The following DPP10 variants were observed in gnomAD, a reference collection of about 807,000 sequenced individuals.
The protein encoded by DPP10 is inactive dipeptidyl peptidase 10.
DPP10 carries 33 observed loss-of-function variants against 120.9 expected under a neutral mutation model. That is an observed-to-expected ratio of 0.27 (90% CI 0.21 to 0.37). The LOEUF is 0.37. DPP10 is among the 10% of genes least tolerant of loss of function. The pLI is 1.00. For synonymous variants in DPP10, 337 were observed against 326.1 expected (o/e 1.03, Z -0.36); for missense variants, 816 against 942.8 (o/e 0.87, Z 1.76).
intron 5 of DPP10, among the ~76,000 whole-genome samples, chr2:115,539,019 A>C (rs1971190): frequency 0.21 from 32,368 of 151,902 alleles, 4,360 homozygotes; most frequent in East Asian, 0.39. Context: ...ATAGCTACTG[A>C]AAATAAGCTT....
intron 5 of DPP10, among the ~76,000 whole-genome samples, chr2:115,564,235 T>C (rs899579368): frequency 6.7e-6 from 1 of 149,702 alleles, no homozygotes; most frequent in Non-Finnish European, 1.5e-5. Context: ...ATCATGTCTT[T>C]TTTTTTTTTT....
At chr2:115,326,022 T>C (rs1273909238) in intron 2 of DPP10, among the ~76,000 whole-genome samples, 6 of 152,168 alleles carry the variant, frequency 3.9e-5, no homozygotes, top group Non-Finnish European at 8.8e-5. Context: ...ATCTGAATAA[T>C]ATTTTAATAC....
At chr2:115,241,923 A>G (rs2058301203) in intron 1 of DPP10, among the ~76,000 whole-genome samples, 1 of 152,200 alleles carries the variant, frequency 6.6e-6, no homozygotes, top group African/African-American at 2.4e-5. Context: ...TTGAGTATGC[A>G]TTGACTGCTA....
chr2:115,180,002 TAAAG>T (rs1385168211), intron 1 of DPP10, among the ~76,000 whole-genome samples: 1 of 151,994 alleles, frequency 6.6e-6, no homozygotes, highest in Non-Finnish European at 1.5e-5. Context: ...TGAAAAATTT[TAAAG>T]AAAAATCAAT....
intron 3 of DPP10, among the ~76,000 whole-genome samples, chr2:115,422,128 T>C (rs2070029540): frequency 1.3e-5 from 2 of 152,020 alleles, no homozygotes; most frequent in South Asian, 4.1e-4. Context: ...AGAGGGAAAA[T>C]TGTTGATGCA....
intron 1 of DPP10, among the ~76,000 whole-genome samples, chr2:114,466,086 C>T (rs1292534769): frequency 6.6e-6 from 1 of 151,976 alleles, no homozygotes; most frequent in Non-Finnish European, 1.5e-5. Flanking sequence ...TGATAATTTC[C>T]CACAAATTCA....
chr2:115,539,979 A>G (rs1224649174), intron 5 of DPP10, among the ~76,000 whole-genome samples: 1 of 151,924 alleles, frequency 6.6e-6, no homozygotes, highest in Non-Finnish European at 1.5e-5. Flanking sequence ...TTAAAAAGGA[A>G]AACAGTTAAA....
At chr2:115,838,114 C>G (rs1209682642) in intron 24 of DPP10, among the ~76,000 whole-genome samples, 2 of 152,120 alleles carry the variant, frequency 1.3e-5, no homozygotes, top group Non-Finnish European at 2.9e-5. Context: ...TATCCAGGAA[C>G]TCTGTACTAT....
intron 1 of DPP10, among the ~76,000 whole-genome samples, chr2:114,517,516 C>T (rs75612318): frequency 0.17 from 20,182 of 118,542 alleles, 1,834 homozygotes; most frequent in Admixed American, 0.3. Flanking sequence ...AGTGAGACTC[C>T]GTCTCAAAAA....
intron 5 of DPP10, among the ~76,000 whole-genome samples, chr2:115,648,275 G>T (rs2087449216): frequency 2.0e-5 from 3 of 152,094 alleles, no homozygotes; most frequent in South Asian, 4.2e-4. Context: ...GTCAGGGTGG[G>T]GGCATTGGTG....
intron 16 of DPP10, among the ~76,000 whole-genome samples, chr2:115,781,441 A>G (rs10174545): frequency 0.51 from 78,064 of 151,674 alleles, 21,283 homozygotes; most frequent in African/African-American, 0.68. Flanking sequence ...TTCAGTTCTG[A>G]TCAATTACAT....
intron 11 of DPP10, among the ~76,000 whole-genome samples, chr2:115,755,128 C>G (rs1679234075): frequency 6.6e-6 from 1 of 152,012 alleles, no homozygotes; most frequent in African/African-American, 2.4e-5. Flanking sequence ...GAGGCAACTA[C>G]TATTCTGAGG....
intron 5 of DPP10, among the ~76,000 whole-genome samples, chr2:115,596,697 A>G (rs2083010117): frequency 6.6e-6 from 1 of 152,190 alleles, no homozygotes; most frequent in African/African-American, 2.4e-5. Context: ...TTTGGCCTAA[A>G]TATTGTATCA....
At chr2:115,392,365 T>A (rs535126811) in intron 3 of DPP10, among the ~76,000 whole-genome samples, 1 of 152,182 alleles carries the variant, frequency 6.6e-6, no homozygotes, top group Non-Finnish European at 1.5e-5. Context: ...CACTTTGATA[T>A]CATATTAATA....
At chr2:114,835,043 G>T (rs1318016218) in intron 1 of DPP10, 1 of 148,632 alleles carries the variant, frequency 6.7e-6, no homozygotes, top group East Asian at 2.0e-4. Flanking sequence ...GTACATATCA[G>T]CCATATCTAC....
At chr2:115,210,381 T>C (rs529852509) in intron 1 of DPP10, among the ~76,000 whole-genome samples, 3 of 152,198 alleles carry the variant, frequency 2.0e-5, no homozygotes, top group Non-Finnish European at 2.9e-5. Flanking sequence ...TAGTATTCCA[T>C]GGTGTATATG....
At chr2:115,166,057 C>CT (rs2052815151) in intron 1 of DPP10, among the ~76,000 whole-genome samples, 1 of 152,076 alleles carries the variant, frequency 6.6e-6, no homozygotes, top group Non-Finnish European at 1.5e-5. Context: ...TATCGATGTG[C>CT]TTTAGACATT....
intron 1 of DPP10, among the ~76,000 whole-genome samples, chr2:114,638,288 T>C (rs941000001): frequency 6.6e-6 from 1 of 151,846 alleles, no homozygotes; most frequent in African/African-American, 2.4e-5. Context: ...TTGAACATTA[T>C]TCGTCTAAAG....
At chr2:115,489,679 G>A (rs2013048222) in intron 3 of DPP10, among the ~76,000 whole-genome samples, 1 of 150,024 alleles carries the variant, frequency 6.7e-6, no homozygotes, top group Non-Finnish European at 1.5e-5. Flanking sequence ...ACAGATAGCA[G>A]ACCCTGAAGG....
Sources: allele counts gnomAD v4.1 joint callset (sites outside exome capture counted in the v4.1 genomes callset), GRCh38; gene constraint gnomAD v4.1.1; transcripts MANE v1.5; gene names NCBI Gene and HGNC (gene_info 2026-07-23, HGNC 2026-07-21).